Variants in IQGAP2 observed in about 807,000 individuals in gnomAD.
The protein encoded by IQGAP2 is ras GTPase-activating-like protein IQGAP2.
Under a neutral mutation model 201.3 loss-of-function variants are expected in IQGAP2, and 173 were observed. The observed-to-expected ratio is 0.86, with a 90% CI of 0.76 to 0.98. The LOEUF is 0.98. Among genes scored for constraint, IQGAP2 ranks in the 50% least tolerant of loss-of-function variants. The probability of loss-of-function intolerance (pLI) is 0.00; values close to 1 mark genes in which losing one functional copy is unlikely to be tolerated. For missense variants in IQGAP2, 1,687 were observed against 1,864.8 expected (o/e 0.90, Z 1.76); for synonymous variants, 675 against 673.9 (o/e 1.00, Z -0.03).
At chr5:76,590,973 T>C (rs546610224) in intron 8 of IQGAP2, among the ~76,000 whole-genome samples, 1 of 152,226 alleles carries the variant, frequency 6.6e-6, no homozygotes, top group East Asian at 1.9e-4. Flanking sequence ...GGTGCAAGCC[T>C]GTAGTCCCAA....
chr5:76,432,728 T>C (rs79679327), intron 1 of IQGAP2, among the ~76,000 whole-genome samples: 5,443 of 152,372 alleles, frequency 0.036, 159 homozygotes, highest in Non-Finnish European at 0.06. Context: ...GTATAACATT[T>C]ATGGTTTAGT....
intron 1 of IQGAP2, among the ~76,000 whole-genome samples, chr5:76,428,758 C>T (rs1390038334): frequency 4.0e-5 from 6 of 148,834 alleles, no homozygotes; most frequent in Non-Finnish European, 5.9e-5. Context: ...AAGTGGGCAG[C>T]GTCTTTCCAT....
intron 33 of IQGAP2, among the ~76,000 whole-genome samples, chr5:76,698,568 A>G (rs1746970158): frequency 6.6e-6 from 1 of 152,166 alleles, no homozygotes; most frequent in African/African-American, 2.4e-5. Context: ...ATGTTTTTAA[A>G]TTGCTTCATG....
intron 8 of IQGAP2, among the ~76,000 whole-genome samples, chr5:76,591,051 C>T (rs758417560): frequency 2.6e-5 from 4 of 152,076 alleles, no homozygotes; most frequent in Non-Finnish European, 4.4e-5. Flanking sequence ...GAGCTGTGAC[C>T]CTGCCACTGC....
intron 13 of IQGAP2, chr5:76,618,787 G>A: frequency 2.7e-6 from 2 of 734,114 alleles, no homozygotes; most frequent in Non-Finnish European, 4.3e-6. Flanking sequence ...CAGTCAACAA[G>A]CATATATTTA....
chr5:76,432,128 CTTTT>C lies in IQGAP2; in HGVS notation c.46+28549_46+28552del, dbSNP rs70982606. Among the ~76,000 whole-genome samples the C allele has an allele frequency of 2.5e-3, 240 of 95,326 alleles. 11 individuals carry two copies. The highest frequency in any genetic ancestry group is 3.8e-3 in the Non-Finnish European group (191 of 50,164). The allele number at this position is 95,326 out of a possible 152,430, so 62.5% of individuals were successfully genotyped here. A position where few individuals can be genotyped will look rare whatever the true frequency, so the allele number is the denominator to read the frequency against. On this transcript the variant is annotated intron_variant, in intron 1 of 35. Coordinates refer to ENST00000274364, the MANE Select transcript of IQGAP2 (RefSeq NM_006633.5). The stretch of plus-strand genomic sequence containing the variant: ...TGGAATTGACTGATCTTTCTTTCTT[CTTTT>C]TTTTTTTTTTTGAGATGGAGTCTTG...
chr5:76,609,911 G>A (rs1748135294), intron 12 of IQGAP2, among the ~76,000 whole-genome samples: 1 of 149,898 alleles, frequency 6.7e-6, no homozygotes, highest in Admixed American at 6.7e-5. Flanking sequence ...ATGAATGGAT[G>A]ATAGTTTATT....
chr5:76,468,373 C>T (rs778922296), intron 2 of IQGAP2, among the ~76,000 whole-genome samples: 2 of 152,132 alleles, frequency 1.3e-5, no homozygotes, highest in South Asian at 2.1e-4. Flanking sequence ...CAGAAAAACT[C>T]GCCATTTGGT....
chr5:76,556,508 G>A (rs1743958000), intron 2 of IQGAP2, among the ~76,000 whole-genome samples: 1 of 152,106 alleles, frequency 6.6e-6, no homozygotes, highest in East Asian at 1.9e-4. Context: ...CTTGCTATCT[G>A]CCTGCGTGAT....
chr5:76,706,538 G>T (rs772769472), intron 35 of IQGAP2, among the ~76,000 whole-genome samples: 1 of 151,870 alleles, frequency 6.6e-6, no homozygotes, highest in Non-Finnish European at 1.5e-5. Flanking sequence ...AGTAGAGATG[G>T]GGTTTCGCCA....
At chr5:76,597,296 C>A (rs769335796) in intron 9 of IQGAP2, 143 bp from the exon 10 acceptor site, 6 of 726,448 alleles carry the variant, frequency 8.3e-6, no homozygotes, top group Non-Finnish European at 1.4e-5. Context: ...ATTTTCAAAG[C>A]CTTACCTACC....
At chr5:76,517,604 CAAAAAAAAAAA>C (rs36102224) in intron 2 of IQGAP2, among the ~76,000 whole-genome samples, 1 of 83,286 alleles carries the variant, frequency 1.2e-5, no homozygotes, top group South Asian at 4.3e-4. Flanking sequence ...GACCCTGTTT[CAAAAAAAAAAA>C]AAAAAAAAGT....
chr5:76,615,797 AT>A (rs1329552572), intron 13 of IQGAP2: 1 of 152,432 alleles, frequency 6.6e-6, no homozygotes, highest in Non-Finnish European at 1.5e-5. Context: ...ATTAAAAGCT[AT>A]GTCTAAGAAA....
intron 2 of IQGAP2, among the ~76,000 whole-genome samples, chr5:76,559,339 A>G (rs1006869838): frequency 6.6e-6 from 1 of 152,192 alleles, no homozygotes; most frequent in Non-Finnish European, 1.5e-5. Context: ...AAGGCCTGAC[A>G]GAGGAGTCGG....
Position 76,590,427 on chromosome 5 carries a change from C to T in IQGAP2, c.660C>T (p.Ala220=). ...TTTTAGTACATGCTGCAGTTATAGC[C>T]ATTAATGAAGCAGTTGAAAAAGGAA... ...DEAALHAAVI[A]INEAVEKGIA... Residue 220 remains alanine (A), a synonymous_variant, in exon 8 of 36, where the codon GCC becomes GCT. Coordinates refer to ENST00000274364, the MANE Select transcript of IQGAP2 (RefSeq NM_006633.5). 1 of 1,607,938 alleles carries T rather than the reference C, an allele frequency of 6.2e-7. No individual in the cohort carries two copies. The highest frequency in any genetic ancestry group is 1.7e-4 in the Middle Eastern group (1 of 6,020).
intron 1 of IQGAP2, among the ~76,000 whole-genome samples, chr5:76,432,128 CTT>C (rs70982606): frequency 5.2e-5 from 5 of 95,312 alleles, no homozygotes; most frequent in Admixed American, 2.9e-4. Context: ...TTTCTTTCTT[CTT>C]TTTTTTTTTT....
chr5:76,636,118 T>A (rs1483992743), intron 15 of IQGAP2, among the ~76,000 whole-genome samples: 1 of 152,214 alleles, frequency 6.6e-6, no homozygotes, highest in Non-Finnish European at 1.5e-5. Context: ...GCTTAGTTAT[T>A]TACATGCATT....
intron 2 of IQGAP2, among the ~76,000 whole-genome samples, chr5:76,499,720 C>T (rs532220558): frequency 1.3e-5 from 2 of 152,138 alleles, no homozygotes; most frequent in Non-Finnish European, 2.9e-5. Flanking sequence ...CCTTTTTAAG[C>T]TACCTGTAAA....
chr5:76,496,293 C>A (rs917355215), intron 2 of IQGAP2, among the ~76,000 whole-genome samples: 1 of 152,196 alleles, frequency 6.6e-6, no homozygotes, highest in Non-Finnish European at 1.5e-5. Flanking sequence ...AAAGTGTTGA[C>A]TGGGACTGGG....
Sources: gnomAD v4.1 joint callset for allele counts (sites outside exome capture counted in the v4.1 genomes callset) on GRCh38, gnomAD v4.1.1 for gene constraint, MANE v1.5 for transcripts, NCBI Gene and HGNC (gene_info 2026-07-23, HGNC 2026-07-21) for gene names.